CCDC171: variants seen among roughly 807,000 people sequenced by gnomAD.
CCDC171 encodes the protein coiled-coil domain-containing protein 171.
Under a neutral mutation model 168.2 loss-of-function variants are expected in CCDC171, and 177 were observed. The observed-to-expected ratio is 1.05, with a 90% CI of 0.93 to 1.19. CCDC171 has a LOEUF of 1.19. Among genes scored for constraint, CCDC171 ranks in the 50% most tolerant of loss-of-function variants. The probability of loss-of-function intolerance (pLI) is 0.00; values close to 1 mark genes in which losing one functional copy is unlikely to be tolerated. For missense variants in CCDC171, 1,991 were observed against 1,539.0 expected (o/e 1.29, Z -4.91); for synonymous variants, 687 against 540.8 (o/e 1.27, Z -3.75).
chr9:15,610,577 G>A (rs950178492), intron 6 of CCDC171, among the ~76,000 whole-genome samples: 1 of 149,040 alleles, frequency 6.7e-6, no homozygotes, highest in Non-Finnish European at 1.5e-5. Flanking sequence ...GCAGTGAACC[G>A]AGCTGGTGCC....
At chr9:15,678,944 A>G (rs1445431433) in intron 10 of CCDC171, 48 bp downstream of exon 10, 2 of 1,368,048 alleles carry the variant, frequency 1.5e-6, no homozygotes, top group Non-Finnish European at 1.0e-6. Context: ...ATTAGGTCAT[A>G]TTGGATGTAT....
chr9:16,007,474 T>C (rs1832740446), intron 3 of CCDC171, among the ~76,000 whole-genome samples: 2 of 152,208 alleles, frequency 1.3e-5, no homozygotes, highest in Non-Finnish European at 2.9e-5. Flanking sequence ...TTGTTGCCAT[T>C]GCTTTTGGTG....
At chr9:16,076,313 C>T in the CCDC171 span, among the ~76,000 whole-genome samples, 1 of 152,204 alleles carries the variant, frequency 6.6e-6, no homozygotes, top group African/African-American at 2.4e-5. Context: ...TCCATCCATG[C>T]ACCTGGTACC....
chr9:15,755,172 C>G (rs1331343927), intron 18 of CCDC171, among the ~76,000 whole-genome samples: 3 of 152,082 alleles, frequency 2.0e-5, no homozygotes, highest in Non-Finnish European at 4.4e-5. Flanking sequence ...AAGTAGAAAT[C>G]TAGACTGGTT....
intron 11 of CCDC171, among the ~76,000 whole-genome samples, chr9:15,713,613 TA>T (rs1588104341): frequency 6.6e-6 from 1 of 152,114 alleles, no homozygotes; most frequent in East Asian, 1.9e-4. Flanking sequence ...TGAGGACCAG[TA>T]GCAAGTCCAA....
At chr9:16,048,277 G>T (rs1387862573) in intron 1 of CCDC171, among the ~76,000 whole-genome samples, 1 of 150,840 alleles carries the variant, frequency 6.6e-6, no homozygotes, top group Non-Finnish European at 1.5e-5. Flanking sequence ...GCTCTTAGTT[G>T]TGTACAGATG....
At chr9:15,763,822 G>T (rs1257467370) in intron 18 of CCDC171, among the ~76,000 whole-genome samples, 1 of 152,042 alleles carries the variant, frequency 6.6e-6, no homozygotes, top group Non-Finnish European at 1.5e-5. Flanking sequence ...CTTATTGATG[G>T]GCATTAGAGT....
At chr9:15,835,192 C>A (rs1467098967) in intron 21 of CCDC171, among the ~76,000 whole-genome samples, 3 of 152,098 alleles carry the variant, frequency 2.0e-5, no homozygotes, top group Non-Finnish European at 4.4e-5. Context: ...TAGAGGGAAA[C>A]AGGTCATTGA....
the CCDC171 span, among the ~76,000 whole-genome samples, chr9:16,087,342 C>G: frequency 6.6e-6 from 1 of 151,884 alleles, no homozygotes; most frequent in African/African-American, 2.4e-5. Flanking sequence ...TTAAAGCCTC[C>G]CACTATTATT....
chr9:15,725,540 C>T (rs2053746193), intron 14 of CCDC171, among the ~76,000 whole-genome samples: 1 of 152,106 alleles, frequency 6.6e-6, no homozygotes, highest in Admixed American at 6.6e-5. Context: ...ACCTCCACCT[C>T]CCAGGTTCAA....
intron 24 of CCDC171, among the ~76,000 whole-genome samples, chr9:15,903,180 G>T (rs982815506): frequency 5.9e-5 from 9 of 152,192 alleles, no homozygotes; most frequent in African/African-American, 2.2e-4. Flanking sequence ...TTTGAAGAGA[G>T]TAGTGCTTCT....
chr9:15,931,175 A>C (rs933648859), intron 25 of CCDC171, among the ~76,000 whole-genome samples: 4 of 151,786 alleles, frequency 2.6e-5, no homozygotes, highest in Non-Finnish European at 5.9e-5. Flanking sequence ...GTTTTCCATT[A>C]ATAGCTGTAC....
chr9:16,053,690 C>G (rs1326623928), intron 1 of CCDC171, among the ~76,000 whole-genome samples: 2 of 152,216 alleles, frequency 1.3e-5, no homozygotes, highest in South Asian at 2.1e-4. Context: ...GGCTGAATCA[C>G]CAAAGGCTGC....
At chr9:15,663,715 C>T (rs540815575) in intron 8 of CCDC171, among the ~76,000 whole-genome samples, 1 of 151,540 alleles carries the variant, frequency 6.6e-6, no homozygotes, top group East Asian at 1.9e-4. Flanking sequence ...ATGCCATTCT[C>T]CTGCCTCAGC....
chr9:15,732,808 G>A (rs1014080116), intron 16 of CCDC171, among the ~76,000 whole-genome samples: 8 of 152,046 alleles, frequency 5.3e-5, no homozygotes, highest in African/African-American at 1.9e-4. Flanking sequence ...AAATACCTAG[G>A]AGTTTGATTT....
intron 7 of CCDC171, among the ~76,000 whole-genome samples, chr9:15,651,509 A>C (rs1403469624): frequency 1.3e-5 from 2 of 151,982 alleles, no homozygotes; most frequent in African/African-American, 4.8e-5. Flanking sequence ...CTCTCACCTC[A>C]GCCTTCCAAA....
chr9:15,686,876 A>C (rs935367708), intron 10 of CCDC171, among the ~76,000 whole-genome samples: 2 of 152,230 alleles, frequency 1.3e-5, no homozygotes, highest in African/African-American at 4.8e-5. Context: ...CCAAATAAAT[A>C]GAAGACTCAA....
intron 1 of CCDC171, among the ~76,000 whole-genome samples, chr9:15,562,014 A>C (rs2039340350): frequency 6.6e-6 from 1 of 151,602 alleles, no homozygotes; most frequent in Admixed American, 6.6e-5. Context: ...TTTTTTTTTA[A>C]GATGGAGTCT....
chr9:15,703,600 T>C (rs1310775141), intron 11 of CCDC171, among the ~76,000 whole-genome samples: 2 of 152,236 alleles, frequency 1.3e-5, no homozygotes, highest in Admixed American at 6.5e-5. Context: ...TCTTTTTCTA[T>C]GGGTGAGTGA....
Sources: allele counts gnomAD v4.1 joint callset (sites outside exome capture counted in the v4.1 genomes callset), GRCh38; gene constraint gnomAD v4.1.1; transcripts MANE v1.5; gene names NCBI Gene and HGNC (gene_info 2026-07-23, HGNC 2026-07-21).